The following TAFA1 variants were observed in gnomAD, a reference collection of about 807,000 sequenced individuals.
The protein encoded by TAFA1 is chemokine-like protein TAFA-1.
Under a neutral mutation model 18.5 loss-of-function variants are expected in TAFA1, and 4 were observed. The observed-to-expected ratio is 0.22, with a 90% confidence interval of 0.11 to 0.49. The LOEUF is 0.49. Among genes scored for constraint, TAFA1 ranks in the 20% least tolerant of loss-of-function variants. The pLI, the probability that TAFA1 is intolerant of heterozygous loss-of-function variation, is 0.98. For missense variants in TAFA1, 147 were observed against 169.0 expected (o/e 0.87, Z 0.72); for synonymous variants, 56 against 55.2 (o/e 1.01, Z -0.06).
chr3:68,223,835 T>C (rs2066761802), intron 2 of TAFA1, among the ~76,000 whole-genome samples: 2 of 152,130 alleles, frequency 1.3e-5, no homozygotes, highest in Admixed American at 6.6e-5. Context: ...CTGTGACTGA[T>C]CAATGCCTTC....
chr3:68,219,005 CT>C (rs11318088), intron 2 of TAFA1, among the ~76,000 whole-genome samples: 47,487 of 147,776 alleles, frequency 0.32, 7,737 homozygotes, highest in East Asian at 0.61. Flanking sequence ...CCTAAGCATT[CT>C]TTTTTTTTTT....
intron 2 of TAFA1, among the ~76,000 whole-genome samples, chr3:68,119,570 TC>T (rs1374883793): frequency 2.3e-5 from 3 of 128,810 alleles, no homozygotes; most frequent in Non-Finnish European, 5.3e-5. Flanking sequence ...GTGTCCAACT[TC>T]GTTTTTTTTT....
At chr3:68,479,882 A>T (rs1575907051) in intron 3 of TAFA1, among the ~76,000 whole-genome samples, 2 of 149,166 alleles carry the variant, frequency 1.3e-5, no homozygotes, top group Admixed American at 1.3e-4. Context: ...ACACGCATAC[A>T]CACACACACA....
intron 2 of TAFA1, among the ~76,000 whole-genome samples, chr3:68,261,618 G>A (rs2067424202): frequency 6.6e-6 from 1 of 152,040 alleles, no homozygotes; most frequent in African/African-American, 2.4e-5. Context: ...CCTTTGTAGG[G>A]GCATAGATGA....
chr3:68,306,465 T>G (rs1281691053), intron 2 of TAFA1, among the ~76,000 whole-genome samples: 1 of 152,166 alleles, frequency 6.6e-6, no homozygotes, highest in African/African-American at 2.4e-5. Flanking sequence ...TTTCACATAT[T>G]CAGAAATATT....
At chr3:68,342,732 T>C (rs2069105089) in intron 2 of TAFA1, among the ~76,000 whole-genome samples, 1 of 152,214 alleles carries the variant, frequency 6.6e-6, no homozygotes, top group Non-Finnish European at 1.5e-5. Context: ...ATTTCCATTA[T>C]TGGTATTATG....
intron 2 of TAFA1, among the ~76,000 whole-genome samples, chr3:68,101,949 C>A (rs1323506247): frequency 6.6e-5 from 10 of 152,070 alleles, no homozygotes; most frequent in Admixed American, 6.6e-4. Context: ...GAGAAAATTG[C>A]ATGAAGAATG....
chr3:68,031,749 C>T (rs1282596996), intron 2 of TAFA1, among the ~76,000 whole-genome samples: 1 of 152,032 alleles, frequency 6.6e-6, no homozygotes, highest in Non-Finnish European at 1.5e-5. Flanking sequence ...TGTGAACATC[C>T]ATCCCAAAAT....
At chr3:68,521,904 G>A (rs1300992305) in intron 3 of TAFA1, among the ~76,000 whole-genome samples, 1 of 111,244 alleles carries the variant, frequency 9.0e-6, no homozygotes, top group African/African-American at 3.5e-5. Context: ...CTGTTACGTA[G>A]GCTGAAGTGC....
rs115899271 is a variant in TAFA1, at chr3:68,270,815, C to T, written c.119-146465C>T. Among the ~76,000 whole-genome samples, 601 of 152,202 alleles carry T rather than the reference C, an allele frequency of 3.9e-3. 3 individuals carry two copies. Among genetic ancestry groups the T allele is most frequent in the African/African-American group, 0.014 (580 of 41,512 alleles). ...ATTAAACAGAAGACAAAAATCAAGCCTCAATTTAAAGTTTATTAATGAAGC... is the reference window on the plus strand; with the variant it reads ...ATTAAACAGAAGACAAAAATCAAGCTTCAATTTAAAGTTTATTAATGAAGC... On this transcript the variant is annotated intron_variant, in intron 2 of 4. Transcript: ENST00000478136.
intron 2 of TAFA1, among the ~76,000 whole-genome samples, chr3:68,316,618 T>C (rs1224517325): frequency 2.0e-5 from 3 of 152,122 alleles, no homozygotes; most frequent in African/African-American, 7.2e-5. Context: ...TATGAGCTGG[T>C]TTGAGTGAAT....
At chr3:68,317,334 C>T (rs1192222191) in intron 2 of TAFA1, among the ~76,000 whole-genome samples, 1 of 152,136 alleles carries the variant, frequency 6.6e-6, no homozygotes, top group East Asian at 1.9e-4. Flanking sequence ...ACCAAGTTGC[C>T]ACAACCATCT....
chr3:68,075,224 CA>C (rs937493507), intron 2 of TAFA1, among the ~76,000 whole-genome samples: 1 of 152,162 alleles, frequency 6.6e-6, no homozygotes, highest in African/African-American at 2.4e-5. Context: ...CTATTGGCAC[CA>C]GGGGTAAAAT....
At chr3:68,355,822 G>A (rs1196677649) in intron 2 of TAFA1, among the ~76,000 whole-genome samples, 2 of 151,962 alleles carry the variant, frequency 1.3e-5, no homozygotes, top group Admixed American at 6.6e-5. Context: ...GTAAGGTGAT[G>A]AGCAACCTGT....
At chr3:68,334,783 A>G in intron 2 of TAFA1, among the ~76,000 whole-genome samples, 1 of 152,120 alleles carries the variant, frequency 6.6e-6, no homozygotes, top group East Asian at 1.9e-4. Flanking sequence ...TGGGTTCCTC[A>G]GGGACCCATA....
At chr3:68,160,868 C>T (rs1443985156) in intron 2 of TAFA1, among the ~76,000 whole-genome samples, 5 of 152,186 alleles carry the variant, frequency 3.3e-5, no homozygotes, top group Non-Finnish European at 1.5e-5. Context: ...CCCATGCTGC[C>T]TTGCCACAAC....
intron 2 of TAFA1, among the ~76,000 whole-genome samples, chr3:68,063,669 A>G (rs923202726): frequency 6.6e-6 from 1 of 152,222 alleles, no homozygotes; most frequent in African/African-American, 2.4e-5. Flanking sequence ...TTTTGAAATT[A>G]CAGTCATTAT....
chr3:68,085,428 G>A (rs2064959171), intron 2 of TAFA1, among the ~76,000 whole-genome samples: 1 of 152,176 alleles, frequency 6.6e-6, no homozygotes, highest in Non-Finnish European at 1.5e-5. Context: ...AGTGCACAAA[G>A]GAGCACATTT....
At chr3:68,307,856 G>A (rs905158930) in intron 2 of TAFA1, among the ~76,000 whole-genome samples, 2 of 152,132 alleles carry the variant, frequency 1.3e-5, no homozygotes, top group African/African-American at 4.8e-5. Context: ...ATGTAAAGAT[G>A]CATAAGAAAT....
Sources: allele counts gnomAD v4.1 joint callset (sites outside exome capture counted in the v4.1 genomes callset), GRCh38; gene constraint gnomAD v4.1.1; transcripts MANE v1.5; gene names NCBI Gene and HGNC (gene_info 2026-07-23, HGNC 2026-07-21).